The following UBAC2 variants were observed in gnomAD, a reference collection of about 807,000 sequenced individuals.
UBAC2 encodes ubiquitin-associated domain-containing protein 2.
UBAC2 carries 26 observed loss-of-function variants against 44.0 expected under a neutral mutation model. The ratio of observed to expected loss-of-function variants is 0.59; its 90% CI spans 0.43 to 0.82. The LOEUF is 0.82. UBAC2 is among the 40% of genes least tolerant of loss of function. UBAC2 has a pLI of 0.00. For synonymous variants in UBAC2, 155 were observed against 154.3 expected, an observed-to-expected ratio of 1.00 and a Z score of -0.04; for missense variants, 329 against 419.4, an observed-to-expected ratio of 0.78 and a Z score of 1.88.
chr13:99,216,303 C>T (rs558362629), intron 1 of UBAC2, among the ~76,000 whole-genome samples: 1 of 152,252 alleles, frequency 6.6e-6, no homozygotes, highest in South Asian at 2.1e-4. Context: ...CAGGTTTTCA[C>T]CATGTTGGCC....
chr13:99,354,498 G>T (rs2045146078), intron 7 of UBAC2, among the ~76,000 whole-genome samples: 1 of 152,222 alleles, frequency 6.6e-6, no homozygotes, highest in Non-Finnish European at 1.5e-5. Flanking sequence ...GAGTTCTGTG[G>T]AAGTTCAGCA....
At chr13:99,268,912 A>G (rs1323068533) in intron 4 of UBAC2, among the ~76,000 whole-genome samples, 1 of 152,162 alleles carries the variant, frequency 6.6e-6, no homozygotes, top group Non-Finnish European at 1.5e-5. Context: ...CTTACCCCAG[A>G]GAGAAGAAAC....
Position 99,340,443 on chromosome 13 carries a change from A to G in UBAC2, c.685A>G (p.Ser229Gly), listed in dbSNP as rs200720452. Reference protein sequence around the residue: ...EPIFSSSEPTSEARIGMGATL... With the variant: ...EPIFSSSEPTGEARIGMGATL... ...CATCTTCTCTTCTTCAGAACCCACC[A>G]GCGAAGCCAGAATTGGGATGGGAGC... The change falls in exon 7 of 9, where the codon AGC becomes GGC. Residue 229 changes from serine (S) to glycine (G), a missense_variant. Ser to Gly is a moderately conservative substitution (Grantham distance 56, BLOSUM62 0). Coordinates refer to ENST00000403766, the MANE Select transcript of UBAC2 (RefSeq NM_001144072.2). 8.8e-5 allele frequency: 142 copies of G among 1,614,218 alleles called. No individual in the cohort carries two copies. The Admixed American group carries it at 2.3e-3, about 27-fold the overall frequency.
At chr13:99,259,570 C>T (rs117391072) in intron 4 of UBAC2, among the ~76,000 whole-genome samples, 6 of 152,278 alleles carry the variant, frequency 3.9e-5, no homozygotes, top group East Asian at 1.9e-4. Context: ...TCCAGTTTCT[C>T]CCGCTGTAAT....
rs1466461271 is a variant in UBAC2, at chr13:99,366,015, C to T, written c.808-1772C>T. Among the ~76,000 whole-genome samples the T allele has an allele frequency of 2.6e-5, 4 of 152,278 alleles. No homozygotes were observed. The East Asian group carries it at 7.7e-4, about 29-fold the overall frequency. On this transcript the variant is annotated intron_variant, in intron 7 of 8. Coordinates refer to ENST00000403766, the MANE Select transcript of UBAC2 (RefSeq NM_001144072.2). ...TATTTATTTGGCATGAATGTAGCAA[C>T]AACAGCTTTCTTTGATTAGTATTTC...
At chr13:99,264,637 C>G (rs2043717025) in intron 4 of UBAC2, among the ~76,000 whole-genome samples, 1 of 152,160 alleles carries the variant, frequency 6.6e-6, no homozygotes, top group Non-Finnish European at 1.5e-5. Flanking sequence ...GTCACTCTCC[C>G]CAGGGGCAGT....
At chr13:99,253,963 T>G (rs2043495204) in intron 4 of UBAC2, among the ~76,000 whole-genome samples, 1 of 152,238 alleles carries the variant, frequency 6.6e-6, no homozygotes, top group Admixed American at 6.5e-5. Flanking sequence ...AATAGGGGCT[T>G]TACAGATTAT....
At chr13:99,302,335 A>G (rs902194772) in intron 4 of UBAC2, among the ~76,000 whole-genome samples, 1 of 152,254 alleles carries the variant, frequency 6.6e-6, no homozygotes, top group East Asian at 1.9e-4. Context: ...ATGAAAGCTC[A>G]GGGTTAATTG....
intron 6 of UBAC2, among the ~76,000 whole-genome samples, chr13:99,323,987 G>A (rs1483913886): frequency 1.3e-5 from 2 of 152,104 alleles, no homozygotes; most frequent in Non-Finnish European, 2.9e-5. Context: ...TGTTCTACCT[G>A]TAGGCAAAAA....
chr13:99,290,145 A>G (rs1291497223), intron 4 of UBAC2, among the ~76,000 whole-genome samples: 1 of 152,150 alleles, frequency 6.6e-6, no homozygotes, highest in East Asian at 1.9e-4. Context: ...AAGTTACTCA[A>G]CCTCTCTGGA....
At chr13:99,238,025 A>C (rs2043258705) in intron 1 of UBAC2, among the ~76,000 whole-genome samples, 1 of 152,270 alleles carries the variant, frequency 6.6e-6, no homozygotes, top group South Asian at 2.1e-4. Context: ...TGTATCAATT[A>C]AAAAATGAAA....
intron 4 of UBAC2, among the ~76,000 whole-genome samples, chr13:99,288,017 A>G (rs940096713): frequency 1.3e-5 from 2 of 152,222 alleles, no homozygotes; most frequent in Admixed American, 6.5e-5. Context: ...GCCCCTGCCA[A>G]AAAATTTGAT....
At chr13:99,201,477 A>G (rs2042798295) in intron 1 of UBAC2, 3 of 1,614,202 alleles carry the variant, frequency 1.9e-6, no homozygotes, top group Non-Finnish European at 2.5e-6. Context: ...GAGTGCTTTC[A>G]AGTGGAGGGA....
chr13:99,264,499 CT>C (rs910666229), intron 4 of UBAC2, among the ~76,000 whole-genome samples: 1 of 152,190 alleles, frequency 6.6e-6, no homozygotes, highest in Non-Finnish European at 1.5e-5. Flanking sequence ...CGTTTGTCCC[CT>C]TTTTTTCTTT....
At chr13:99,217,216 A>G (rs1445663746) in intron 1 of UBAC2, among the ~76,000 whole-genome samples, 1 of 152,162 alleles carries the variant, frequency 6.6e-6, no homozygotes, top group Non-Finnish European at 1.5e-5. Flanking sequence ...GCTCAGCGTC[A>G]GTGGCTGGAG....
At chr13:99,332,390 A>G (rs1426303791) in intron 6 of UBAC2, among the ~76,000 whole-genome samples, 3 of 152,236 alleles carry the variant, frequency 2.0e-5, no homozygotes, top group Non-Finnish European at 2.9e-5. Flanking sequence ...AGGATGAAGC[A>G]TCTGGAAAAT....
At chr13:99,284,379 C>T (rs1282057826) in intron 4 of UBAC2, among the ~76,000 whole-genome samples, 1 of 152,172 alleles carries the variant, frequency 6.6e-6, no homozygotes, top group African/African-American at 2.4e-5. Context: ...AATGCTGCCA[C>T]TTATGTTTTA....
At chr13:99,309,800 C>G (rs1008996911) in intron 4 of UBAC2, among the ~76,000 whole-genome samples, 7 of 152,068 alleles carry the variant, frequency 4.6e-5, no homozygotes, top group Admixed American at 4.6e-4. Flanking sequence ...TGTGTGGAGA[C>G]AAGGTCTCAT....
At chr13:99,344,151 C>T (rs564089079) in intron 7 of UBAC2, among the ~76,000 whole-genome samples, 114 of 152,300 alleles carry the variant, frequency 7.5e-4, no homozygotes, top group African/African-American at 2.6e-3. Context: ...GCCCGGTGTA[C>T]GCCTAGAGAG....
Sources: gnomAD v4.1 joint callset for allele counts (sites outside exome capture counted in the v4.1 genomes callset) on GRCh38, gnomAD v4.1.1 for gene constraint, MANE v1.5 for transcripts, NCBI Gene and HGNC (gene_info 2026-07-23, HGNC 2026-07-21) for gene names.